The following CTNND2 variants were observed in gnomAD, a reference collection of about 807,000 sequenced individuals.
CTNND2 encodes the protein catenin delta-2.
A neutral mutation model predicts 144.4 loss-of-function variants in CTNND2; 22 were observed. The observed-to-expected ratio is 0.15, with a 90% CI of 0.11 to 0.22. The LOEUF (loss-of-function observed/expected upper bound fraction) is 0.22, where lower values mean the gene tolerates loss of function less well. Ranked by LOEUF, CTNND2 falls within the 10% of genes least tolerant of loss-of-function variation. The pLI is 1.00. For synonymous variants in CTNND2, 751 were observed against 695.6 expected (o/e 1.08, Z -1.25); for missense variants, 1,353 against 1,618.8 (o/e 0.84, Z 2.82).
At chr5:11,552,599 A>T (rs1775859756) in intron 3 of CTNND2, among the ~76,000 whole-genome samples, 1 of 152,224 alleles carries the variant, frequency 6.6e-6, no homozygotes, top group Non-Finnish European at 1.5e-5. Context: ...AAACTGAGAT[A>T]CAGAAATCCA....
At chr5:11,033,996 T>C (rs1743784958) in intron 16 of CTNND2, among the ~76,000 whole-genome samples, 1 of 152,126 alleles carries the variant, frequency 6.6e-6, no homozygotes, top group Non-Finnish European at 1.5e-5. Context: ...AGGTAAAAAA[T>C]AGTACTAAGA....
chr5:11,826,336 A>C (rs1793596318), intron 1 of CTNND2, among the ~76,000 whole-genome samples: 1 of 152,038 alleles, frequency 6.6e-6, no homozygotes, highest in Admixed American at 6.5e-5. Flanking sequence ...ACTACTAGGT[A>C]AAAATAAAAG....
chr5:11,112,644 C>T (rs1039407102), intron 13 of CTNND2, among the ~76,000 whole-genome samples: 3 of 152,174 alleles, frequency 2.0e-5, no homozygotes, highest in Non-Finnish European at 4.4e-5. Context: ...AAAGCTGGGG[C>T]ACAGTAAATG....
chr5:11,584,860 C>A (rs35107211), intron 2 of CTNND2, among the ~76,000 whole-genome samples: 11,389 of 152,028 alleles, frequency 0.075, 615 homozygotes, highest in East Asian at 0.26. Flanking sequence ...GAATATGATT[C>A]TGTAAAAAAT....
At chr5:11,250,613 C>T (rs1260086043) in intron 9 of CTNND2, among the ~76,000 whole-genome samples, 2 of 149,878 alleles carry the variant, frequency 1.3e-5, no homozygotes, top group Non-Finnish European at 3.0e-5. Context: ...AATTCCTGAG[C>T]TCAAGTGATC....
At chr5:11,206,695 T>C (rs76965712) in intron 10 of CTNND2, among the ~76,000 whole-genome samples, 22 of 152,336 alleles carry the variant, frequency 1.4e-4, no homozygotes, top group African/African-American at 5.3e-4. Context: ...TAAAATCCCA[T>C]GATTTTCTCT....
rs1224734090 is a variant in CTNND2, at chr5:11,262,912, A to G, written c.1629-26089T>C. 4.6e-5 allele frequency among the ~76,000 whole-genome samples: 7 copies of G among 152,158 alleles called. No individual in the cohort carries two copies. In the East Asian group the frequency reaches 1.3e-3, roughly 29 times the overall value. On this transcript the variant is annotated intron_variant, in intron 9 of 21. Coordinates refer to ENST00000304623, the MANE Select transcript of CTNND2 (RefSeq NM_001332.4). The stretch of plus-strand genomic sequence containing the variant: ...CTTTCAACAACATAGGCTTTTAGAA[A>G]CTTCAAAAAAGACTTTTCCTGCCGA...
intron 2 of CTNND2, among the ~76,000 whole-genome samples, chr5:11,585,928 G>A (rs1581563162): frequency 6.6e-6 from 1 of 152,240 alleles, no homozygotes; most frequent in East Asian, 1.9e-4. Flanking sequence ...CATGTTCTAG[G>A]AGAGGTGAGG....
At chr5:11,327,929 C>T (rs1216930410) in intron 9 of CTNND2, among the ~76,000 whole-genome samples, 1 of 152,076 alleles carries the variant, frequency 6.6e-6, no homozygotes, top group Non-Finnish European at 1.5e-5. Flanking sequence ...TTTGGTCAGT[C>T]TAGTGTTTGT....
At chr5:11,164,567 A>G (rs1358148499) in intron 11 of CTNND2, among the ~76,000 whole-genome samples, 1 of 152,178 alleles carries the variant, frequency 6.6e-6, no homozygotes, top group East Asian at 1.9e-4. Flanking sequence ...GCCAGGTACC[A>G]TATAGCTCTA....
At chr5:11,276,093 C>A (rs1372419366) in intron 9 of CTNND2, among the ~76,000 whole-genome samples, 2 of 152,168 alleles carry the variant, frequency 1.3e-5, no homozygotes, top group Non-Finnish European at 2.9e-5. Context: ...AATCATACAT[C>A]TCAAATTACA....
At chr5:11,438,169 T>C (rs954847146) in intron 3 of CTNND2, among the ~76,000 whole-genome samples, 6 of 152,222 alleles carry the variant, frequency 3.9e-5, no homozygotes, top group Non-Finnish European at 5.9e-5. Flanking sequence ...AAGAGGATCG[T>C]CATCTTCAAA....
intron 2 of CTNND2, among the ~76,000 whole-genome samples, chr5:11,569,183 T>C (rs1777361817): frequency 6.6e-6 from 1 of 152,128 alleles, no homozygotes; most frequent in South Asian, 2.1e-4. Flanking sequence ...TAAGATTTCA[T>C]GGGAATTTAG....
At chr5:11,365,893 T>C (rs1306594380) in intron 7 of CTNND2, among the ~76,000 whole-genome samples, 2 of 152,164 alleles carry the variant, frequency 1.3e-5, no homozygotes, top group Non-Finnish European at 2.9e-5. Context: ...GCATCTTCCA[T>C]GTTGAATACA....
At chr5:11,852,873 A>C (rs1446793546) in intron 1 of CTNND2, among the ~76,000 whole-genome samples, 1 of 152,154 alleles carries the variant, frequency 6.6e-6, no homozygotes, top group African/African-American at 2.4e-5. Flanking sequence ...GTTTGCCCTT[A>C]TGTGTGCACT....
At chr5:11,573,220 C>T (rs180971976) in intron 2 of CTNND2, among the ~76,000 whole-genome samples, 2 of 152,232 alleles carry the variant, frequency 1.3e-5, no homozygotes, top group African/African-American at 4.8e-5. Flanking sequence ...TAAGTAATTG[C>T]TTAAAATATT....
chr5:11,311,065 A>G lies in CTNND2; in HGVS notation c.1628+35307T>C, dbSNP rs550233537. ...TACCCCACAGGCACTCACGCTCCCC[A>G]TGCACCCTCAACCCACACATACATA... On this transcript the variant is annotated intron_variant, in intron 9 of 21. Coordinates refer to ENST00000304623, the MANE Select transcript of CTNND2 (RefSeq NM_001332.4). 5.0e-5 allele frequency among the ~76,000 whole-genome samples: 7 copies of G among 140,876 alleles called. No homozygotes were observed. The East Asian group carries it at 1.5e-3, about 31-fold the overall frequency. 92.4% of individuals were successfully genotyped at this position (140,876 alleles called of 152,430 possible).
At chr5:11,249,318 A>G (rs1743329670) in intron 9 of CTNND2, among the ~76,000 whole-genome samples, 1 of 152,212 alleles carries the variant, frequency 6.6e-6, no homozygotes, top group South Asian at 2.1e-4. Context: ...ATTGCTCGTA[A>G]TAAGAAAGGA....
chr5:11,359,506 CA>C (rs1487651246), intron 8 of CTNND2, among the ~76,000 whole-genome samples: 1 of 152,148 alleles, frequency 6.6e-6, no homozygotes, highest in African/African-American at 2.4e-5. Flanking sequence ...CTCTGTTGAC[CA>C]GGGACCACTC....
Sources: allele counts gnomAD v4.1 joint callset (sites outside exome capture counted in the v4.1 genomes callset), GRCh38; gene constraint gnomAD v4.1.1; transcripts MANE v1.5; gene names NCBI Gene and HGNC (gene_info 2026-07-23, HGNC 2026-07-21).